The following PPME1 variants were observed in gnomAD, a reference collection of about 807,000 sequenced individuals.
The protein encoded by PPME1 is protein phosphatase methylesterase 1.
PPME1 carries 17 observed loss-of-function variants against 56.9 expected under a neutral mutation model. The ratio of observed to expected loss-of-function variants is 0.30; its 90% CI spans 0.20 to 0.45. The LOEUF (loss-of-function observed/expected upper bound fraction) is 0.45, where lower values mean the gene tolerates loss of function less well. PPME1 is among the 20% of genes least tolerant of loss of function. PPME1 has a pLI of 1.00. For missense variants in PPME1, 357 were observed against 483.2 expected, an observed-to-expected ratio of 0.74 and a Z score of 2.45; for synonymous variants, 122 against 156.2, an observed-to-expected ratio of 0.78 and a Z score of 1.63.
chr11:74,206,032 A>G (rs1465944393), intron 3 of PPME1: 1 of 152,178 alleles, frequency 6.6e-6, no homozygotes, highest in African/African-American at 2.4e-5. Context: ...AGATATTTAC[A>G]TCTATTTTTA....
chr11:74,208,998 A>G (rs549436806), intron 3 of PPME1, among the ~76,000 whole-genome samples: 7 of 152,334 alleles, frequency 4.6e-5, no homozygotes, highest in South Asian at 2.1e-4. Flanking sequence ...AGAAGTGACT[A>G]GAGAGATCAC....
intron 12 of PPME1, chr11:74,251,341 A>C: frequency 1.1e-5 from 15 of 1,358,000 alleles, no homozygotes; most frequent in Non-Finnish European, 1.4e-5. Context: ...TCCCTAAACC[A>C]CAGGCACAGT....
At chr11:74,220,933 T>G (rs934395837) in intron 3 of PPME1, among the ~76,000 whole-genome samples, 4 of 152,264 alleles carry the variant, frequency 2.6e-5, no homozygotes, top group African/African-American at 9.6e-5. Context: ...TGCTCATTTA[T>G]TTTTTTCTAG....
intron 1 of PPME1, among the ~76,000 whole-genome samples, chr11:74,176,240 C>T (rs1216301651): frequency 6.6e-6 from 1 of 152,114 alleles, no homozygotes; most frequent in African/African-American, 2.4e-5. Context: ...TTTTTTGTCC[C>T]CACAAGCTGT....
intron 1 of PPME1, among the ~76,000 whole-genome samples, chr11:74,194,767 G>A (rs547295602): frequency 1.7e-4 from 26 of 152,204 alleles, no homozygotes; most frequent in Admixed American, 3.9e-4. Flanking sequence ...AATGGGGAAC[G>A]CTATTTTCAA....
intron 7 of PPME1, among the ~76,000 whole-genome samples, chr11:74,231,754 A>G (rs1859074020): frequency 6.6e-6 from 1 of 152,198 alleles, no homozygotes; most frequent in Non-Finnish European, 1.5e-5. Context: ...TGTGTTTCAG[A>G]TAAAATGGTG....
At chr11:74,212,636 T>C (rs915221558) in intron 3 of PPME1, among the ~76,000 whole-genome samples, 1 of 152,008 alleles carries the variant, frequency 6.6e-6, no homozygotes, top group Non-Finnish European at 1.5e-5. Context: ...TAAAGAGGAC[T>C]TTATCTTGCA....
chr11:74,250,948 C>T lies in PPME1; in HGVS notation c.1010-6C>T. 6.3e-7 allele frequency: 1 copy of T among 1,595,004 alleles called. No individual in the cohort carries two copies. Among genetic ancestry groups the T allele is most frequent in the South Asian group, 1.1e-5 (1 of 87,422 alleles). On this transcript the variant is annotated splice_polypyrimidine_tract_variant and splice_region_variant and intron_variant, in intron 11 of 13. Transcript: ENST00000328257. ...CTGAAGTTGCCTTGCTTTGATTCCT[C>T]TCCAGGGAAGTTCCAGATGCAGGTC...
chr11:74,223,221 C>T lies in PPME1; in HGVS notation c.346+852C>T, dbSNP rs1472797022. ...GGTTTTTTGTGCTTGCGATAGTTTA[C>T]TGAGAATGATGATTTCCAATTTCAT... is the stretch of plus-strand genomic sequence containing the variant. On this transcript the variant is annotated intron_variant, in intron 4 of 13. Transcript: ENST00000328257. Among the ~76,000 whole-genome samples, 10 of 151,880 alleles carry T rather than the reference C, an allele frequency of 6.6e-5. No individual in the cohort carries two copies. The East Asian group carries it at 1.9e-3, about 30-fold the overall frequency.
chr11:74,247,170 G>A, intron 11 of PPME1, 47 bp downstream of exon 11: 2 of 1,517,170 alleles, frequency 1.3e-6, no homozygotes, highest in Non-Finnish European at 1.8e-6. Flanking sequence ...CTGAAGAAAG[G>A]GTGATAGGGC....
chr11:74,184,024 T>C (rs1190943869), intron 1 of PPME1, among the ~76,000 whole-genome samples: 3 of 152,196 alleles, frequency 2.0e-5, no homozygotes, highest in Admixed American at 2.0e-4. Context: ...TATTGAAAGC[T>C]TGCAAAAATG....
At chr11:74,175,523 T>TTCTATTATTATCTCTTAATTATC in intron 1 of PPME1, among the ~76,000 whole-genome samples, 1 of 152,250 alleles carries the variant, frequency 6.6e-6, no homozygotes, top group East Asian at 1.9e-4. Flanking sequence ...AGTTCTACTT[T>TTCTATTATTATCTCTTAATTATC]TCTATTATTA....
chr11:74,223,414 T>G (rs1327757625), intron 4 of PPME1, among the ~76,000 whole-genome samples: 1 of 146,104 alleles, frequency 6.8e-6, no homozygotes, highest in Non-Finnish European at 1.5e-5. Context: ...CGTGTGCCTG[T>G]GTCTTTATAG....
At chr11:74,235,001 T>C (rs1859156118) in intron 7 of PPME1, among the ~76,000 whole-genome samples, 1 of 152,202 alleles carries the variant, frequency 6.6e-6, no homozygotes, top group African/African-American at 2.4e-5. Context: ...ATTACAAGTA[T>C]TGGTGAATTT....
At chr11:74,209,665 T>C (rs184753296) in intron 3 of PPME1, among the ~76,000 whole-genome samples, 1 of 152,256 alleles carries the variant, frequency 6.6e-6, no homozygotes, top group African/African-American at 2.4e-5. Flanking sequence ...GAAACCACAG[T>C]GGAGGCAGGG....
Position 74,203,722 on chromosome 11 carries a change from C to T in PPME1, c.102-6C>T, listed in dbSNP as rs75354765. On this transcript the variant is annotated splice_region_variant and splice_polypyrimidine_tract_variant and intron_variant, in intron 1 of 13. Coordinates refer to ENST00000328257, the MANE Select transcript of PPME1 (RefSeq NM_016147.3). ...TCTGAAATGTCTCTCTCTTTTTTTT[C>T]CTCAGCCCTGGAAGAAAGCGGGACT... 1.3e-6 allele frequency: 2 copies of T among 1,595,104 alleles called. No homozygotes were observed. The highest frequency in any genetic ancestry group is 1.1e-5 in the South Asian group (1 of 87,640).
At chr11:74,242,172 C>A (rs1859377946) in intron 9 of PPME1, among the ~76,000 whole-genome samples, 1 of 152,210 alleles carries the variant, frequency 6.6e-6, no homozygotes. Flanking sequence ...GAACCAACTT[C>A]ATTCTTTTGC....
At chr11:74,174,396 C>T (rs1857358527) in intron 1 of PPME1, among the ~76,000 whole-genome samples, 1 of 152,118 alleles carries the variant, frequency 6.6e-6, no homozygotes, top group Non-Finnish European at 1.5e-5. Context: ...TCTTTTTCTT[C>T]AGTCGTAATT....
In PPME1 at chr11:74,230,859, T is replaced by C; in HGVS notation, c.554-53T>C. The C allele has an allele frequency of 7.5e-7, 1 of 1,330,590 alleles. No homozygotes were observed. Among genetic ancestry groups the C allele is most frequent in the Non-Finnish European group, 1.1e-6 (1 of 944,224 alleles). 82.4% of individuals were successfully genotyped at this position (1,330,590 alleles called of 1,614,324 possible). A position where few individuals can be genotyped will look rare whatever the true frequency, so the allele number is the denominator to read the frequency against. ...TATATAGTAGTTGACTCAGTAAGTG[T>C]AAATGCTCAGAATAAGTTAAATATG... On this transcript the variant is annotated intron_variant, in intron 6 of 13. Transcript: ENST00000328257. This position sits in a 1 kb window ranked among gnomAD's most constrained non-coding sequence, Gnocchi z 4.9.
Sources: gnomAD v4.1 joint callset for allele counts (sites outside exome capture counted in the v4.1 genomes callset) on GRCh38, gnomAD v4.1.1 for gene constraint, Gnocchi (gnomAD v3.1) non-coding constraint, MANE v1.5 for transcripts, NCBI Gene and HGNC (gene_info 2026-07-23, HGNC 2026-07-21) for gene names.